The following PLA1A variants were observed in gnomAD, a reference collection of about 807,000 sequenced individuals.
PLA1A encodes the protein phosphatidylserine-specific phospholipase A1alpha.
A neutral mutation model predicts 49.4 loss-of-function variants in PLA1A; 47 were observed. That is an observed-to-expected ratio of 0.95 (90% CI 0.75 to 1.21). The LOEUF (loss-of-function observed/expected upper bound fraction) is 1.21, where lower values mean the gene tolerates loss of function less well. PLA1A is among the 50% of genes most tolerant of loss of function. The pLI is 0.00. For synonymous variants in PLA1A, 224 were observed against 207.9 expected (o/e 1.08, Z -0.67); for missense variants, 561 against 563.9 (o/e 0.99, Z 0.05).
chr3:119,628,170 C>T (rs2052570448), intron 9 of PLA1A, among the ~76,000 whole-genome samples: 1 of 152,214 alleles, frequency 6.6e-6, no homozygotes, highest in Non-Finnish European at 1.5e-5. Flanking sequence ...ACTCCACAGC[C>T]ACCTTGCCAG....
intron 1 of PLA1A, among the ~76,000 whole-genome samples, chr3:119,606,393 T>C (rs1286047882): frequency 6.6e-6 from 1 of 152,214 alleles, no homozygotes; most frequent in Non-Finnish European, 1.5e-5. Context: ...TGGCCTCTTT[T>C]TAACCTTTGT....
chr3:119,624,016 C>T (rs540659996), intron 8 of PLA1A, among the ~76,000 whole-genome samples: 13 of 152,278 alleles, frequency 8.5e-5, no homozygotes, highest in African/African-American at 1.9e-4. Flanking sequence ...TGAGCCACCA[C>T]GCCTGACCTT....
At chr3:119,621,575 G>A (rs1471792) in intron 8 of PLA1A, among the ~76,000 whole-genome samples, 74,801 of 152,158 alleles carry the variant, frequency 0.49, 19,094 homozygotes, top group East Asian at 0.89. Context: ...CATGGGCAGA[G>A]GATCTTCTAC....
At chr3:119,610,484 T>C (rs1256430988) in intron 4 of PLA1A, among the ~76,000 whole-genome samples, 1 of 152,206 alleles carries the variant, frequency 6.6e-6, no homozygotes, top group Non-Finnish European at 1.5e-5. Flanking sequence ...CTTGCCAACA[T>C]CTATTTATTT....
chr3:119,604,094 A>C lies in PLA1A; in HGVS notation c.74-2680A>C, dbSNP rs151336691. On this transcript the variant is annotated intron_variant, in intron 1 of 10. Coordinates refer to ENST00000273371, the MANE Select transcript of PLA1A (RefSeq NM_015900.4). The stretch of plus-strand genomic sequence containing the variant: ...TTAATATTCTGTACTTTTCATTGTG[A>C]TTATTCTTTAACCCATACATTCCTT... Among the ~76,000 whole-genome samples, 11 of 152,210 alleles carry C rather than the reference A, an allele frequency of 7.2e-5. 1 individual carries two copies. Among genetic ancestry groups the C allele is most frequent in the African/African-American group, 2.4e-4 (10 of 41,554 alleles).
At chr3:119,627,634 G>GC (rs1553794933) in intron 9 of PLA1A, among the ~76,000 whole-genome samples, 4 of 151,926 alleles carry the variant, frequency 2.6e-5, no homozygotes. Flanking sequence ...CACCACCCCT[G>GC]CCCCCGCCGA....
At chr3:119,617,768 G>GA (rs1177999013) in intron 6 of PLA1A, among the ~76,000 whole-genome samples, 4 of 150,518 alleles carry the variant, frequency 2.7e-5, no homozygotes, top group South Asian at 2.1e-4. Flanking sequence ...GAAAAGAAAA[G>GA]AAAAAAAAGA....
intron 5 of PLA1A, among the ~76,000 whole-genome samples, chr3:119,615,327 A>G (rs2082830417): frequency 6.6e-6 from 1 of 152,162 alleles, no homozygotes; most frequent in African/African-American, 2.4e-5. Flanking sequence ...CAGTCAGGAG[A>G]GCACAAAAGA....
rs750748287 is a variant in PLA1A at position 119,608,810 on chromosome 3, A to C, written c.316A>C (p.Arg106=). Residue 106 remains arginine (R), a synonymous_variant, in exon 3 of 11, where the codon AGA becomes CGA. Coordinates refer to ENST00000273371, the MANE Select transcript of PLA1A (RefSeq NM_015900.4). ...TKPSWIDTFI[R]TLLRATNANV... is the part of the protein sequence containing the mutation. The stretch of plus-strand genomic sequence containing the variant: ...GCCTTCCTGGATTGACACATTTATT[A>C]GAACCCTTCTGCGTGCAACGAATGC... 2 of 1,614,046 alleles carry C rather than the reference A, an allele frequency of 1.2e-6. No homozygotes were observed. The highest frequency in any genetic ancestry group is 2.2e-5 in the South Asian group (2 of 91,070).
At chr3:119,612,951 G>T (rs961554168) in intron 4 of PLA1A, 66 bp from the exon 5 acceptor site, 6 of 1,021,168 alleles carry the variant, frequency 5.9e-6, no homozygotes, top group Non-Finnish European at 8.7e-6. Context: ...GTGGGTGTGT[G>T]GTGGGTCCAT....
At chr3:119,615,909 T>G in intron 5 of PLA1A, 103 bp from the exon 6 acceptor site, 1 of 710,028 alleles carries the variant, frequency 1.4e-6, no homozygotes. Flanking sequence ...CACTTAGAAG[T>G]GACGTGGCAG....
chr3:119,607,031 A>T, intron 2 of PLA1A, 56 bp downstream of exon 2: 2 of 1,395,828 alleles, frequency 1.4e-6, no homozygotes, highest in South Asian at 2.3e-5. Context: ...AGTAACCATA[A>T]TACCATAAGA....
In PLA1A at chr3:119,609,829, TA is replaced by T. The variant is rs562652508; in HGVS notation, c.562+260del. 3.3e-5 allele frequency among the ~76,000 whole-genome samples: 5 copies of T among 152,348 alleles called. No homozygotes were observed. In the South Asian group the frequency reaches 1.0e-3, roughly 32 times the overall value. The stretch of plus-strand genomic sequence containing the variant: ...ACTTTTTATTTTTAAGTTTCTTATT[TA>T]AAAAAACTTTTAGATTCAGGATTTA... On this transcript the variant is annotated intron_variant, in intron 4 of 10. Coordinates refer to ENST00000273371, the MANE Select transcript of PLA1A (RefSeq NM_015900.4).
At chr3:119,616,430 C>T (rs3772132) in intron 6 of PLA1A, among the ~76,000 whole-genome samples, 91,592 of 152,084 alleles carry the variant, frequency 0.6, 29,102 homozygotes, top group East Asian at 0.89. Context: ...CTCAAACAGT[C>T]CTCTAAAATT....
intron 1 of PLA1A, among the ~76,000 whole-genome samples, chr3:119,602,745 T>C (rs1456436728): frequency 6.6e-6 from 1 of 152,084 alleles, no homozygotes; most frequent in Admixed American, 6.6e-5. Flanking sequence ...GCAAATTCCA[T>C]AGTAGATTAG....
chr3:119,615,927 G>A (rs1490093091), intron 5 of PLA1A, 85 bp from the exon 6 acceptor site: 10 of 784,480 alleles, frequency 1.3e-5, no homozygotes, highest in Non-Finnish European at 2.0e-5. Context: ...CAGAGAGTGG[G>A]TGGGCTCCCA....
At chr3:119,612,875 G>C (rs549921013) in intron 4 of PLA1A, 142 bp from the exon 5 acceptor site, 1 of 546,862 alleles carries the variant, frequency 1.8e-6, no homozygotes, top group Non-Finnish European at 3.2e-6. Flanking sequence ...TGAGGAAGGT[G>C]GTCCTCAGCT....
intron 9 of PLA1A, among the ~76,000 whole-genome samples, chr3:119,625,868 ACAGCCTGCAGGGGATAGGAAGTCAG>A (rs1157954149): frequency 6.6e-6 from 1 of 152,182 alleles, no homozygotes; most frequent in African/African-American, 2.4e-5. Context: ...GTAGGGAGCC[ACAGCCTGCAGGGGATAGGAAGTCAG>A]CAGCCATGGT....
intron 2 of PLA1A, among the ~76,000 whole-genome samples, chr3:119,607,882 C>T (rs542764379): frequency 5.3e-5 from 8 of 152,294 alleles, no homozygotes; most frequent in Non-Finnish European, 7.3e-5. Flanking sequence ...ACACCCAGTC[C>T]GCGCTCCTCT....
Sources: gnomAD v4.1 joint callset for allele counts (sites outside exome capture counted in the v4.1 genomes callset) on GRCh38, gnomAD v4.1.1 for gene constraint, MANE v1.5 for transcripts, NCBI Gene and HGNC (gene_info 2026-07-23, HGNC 2026-07-21) for gene names.